ZNF609: variants seen among roughly 807,000 people sequenced by gnomAD.
The protein encoded by ZNF609 is zinc finger protein 609.
A neutral mutation model predicts 109.5 loss-of-function variants in ZNF609; 11 were observed. The observed-to-expected ratio is 0.10, with a 90% confidence interval of 0.06 to 0.17. The LOEUF (loss-of-function observed/expected upper bound fraction) is 0.17. ZNF609 is among the 10% of genes least tolerant of loss of function. ZNF609 has a pLI of 1.00. For synonymous variants in ZNF609, 646 were observed against 662.0 expected, an observed-to-expected ratio of 0.98 and a Z score of 0.37; for missense variants, 1,559 against 1,772.4, an observed-to-expected ratio of 0.88 and a Z score of 2.16.
intron 3 of ZNF609, among the ~76,000 whole-genome samples, chr15:64,636,756 GC>G (rs1896183684): frequency 6.6e-6 from 1 of 152,136 alleles, no homozygotes; most frequent in South Asian, 2.1e-4. Context: ...CTAGTCTTCT[GC>G]CCTAGAGATT....
At chr15:64,554,283 T>C (rs1277905878) in intron 2 of ZNF609, among the ~76,000 whole-genome samples, 2 of 152,232 alleles carry the variant, frequency 1.3e-5, no homozygotes, top group South Asian at 2.1e-4. Flanking sequence ...TTATCAGGAA[T>C]GGATGTTAGA....
intron 2 of ZNF609, among the ~76,000 whole-genome samples, chr15:64,509,129 C>T (rs964015620): frequency 4.6e-5 from 7 of 152,232 alleles, no homozygotes; most frequent in Admixed American, 1.3e-4. Context: ...TAAAATGTAA[C>T]GCTGGGCAGT....
chr15:64,631,555 G>A (rs1011610679), intron 3 of ZNF609: 5 of 537,610 alleles, frequency 9.3e-6, no homozygotes, highest in Non-Finnish European at 1.7e-5. Flanking sequence ...TTTTTTAGAC[G>A]GAGTTTCGCT....
At chr15:64,599,532 C>T (rs1323217441) in intron 2 of ZNF609, among the ~76,000 whole-genome samples, 2 of 152,132 alleles carry the variant, frequency 1.3e-5, no homozygotes, top group African/African-American at 2.4e-5. Context: ...CTTGCAAAGT[C>T]AAATTGCTTA....
chr15:64,631,381 G>T, intron 3 of ZNF609: 2 of 725,460 alleles, frequency 2.8e-6, no homozygotes, highest in South Asian at 1.4e-5. Context: ...TGCCAACAGC[G>T]TGCTGGGGGA....
intron 1 of ZNF609, among the ~76,000 whole-genome samples, chr15:64,481,306 A>C (rs1310753472): frequency 1.3e-5 from 2 of 149,854 alleles, no homozygotes; most frequent in Non-Finnish European, 3.0e-5. Context: ...GAAGAAAGGC[A>C]TCTTTCTTTT....
intron 2 of ZNF609, 47 bp from the exon 3 acceptor site, chr15:64,622,779 TA>T: frequency 6.6e-7 from 1 of 1,510,366 alleles, no homozygotes; most frequent in Non-Finnish European, 9.2e-7. Flanking sequence ...GTATTTCCTC[TA>T]AATGTTCTCC....
intron 2 of ZNF609, among the ~76,000 whole-genome samples, chr15:64,561,163 G>C (rs1894673165): frequency 6.6e-6 from 1 of 152,132 alleles, no homozygotes; most frequent in Admixed American, 6.6e-5. Flanking sequence ...AGCTTATTCA[G>C]TTATCAGCTC....
At chr15:64,524,440 T>TGTA (rs1342959791) in intron 2 of ZNF609, among the ~76,000 whole-genome samples, 1 of 152,156 alleles carries the variant, frequency 6.6e-6, no homozygotes, top group Admixed American at 6.5e-5. Context: ...GGCACATGCC[T>TGTA]GTAGTCCCAG....
intron 2 of ZNF609, among the ~76,000 whole-genome samples, chr15:64,552,744 G>A (rs1251220273): frequency 6.6e-6 from 1 of 152,118 alleles, no homozygotes; most frequent in African/African-American, 2.4e-5. Flanking sequence ...CAAACTGCTG[G>A]GCTTAAGTGA....
chr15:64,600,090 A>G (rs1313583762), intron 2 of ZNF609, among the ~76,000 whole-genome samples: 1 of 152,138 alleles, frequency 6.6e-6, no homozygotes, highest in Non-Finnish European at 1.5e-5. Flanking sequence ...TGGGAGGCCA[A>G]GGTGGGCAGA....
At chr15:64,499,106 T>C (rs1893521677) in intron 1 of ZNF609, among the ~76,000 whole-genome samples, 187 bp from the exon 2 acceptor site, 1 of 152,112 alleles carries the variant, frequency 6.6e-6, no homozygotes, top group Non-Finnish European at 1.5e-5. Context: ...CCTAGGGAGA[T>C]GGAGTGGGAA....
intron 2 of ZNF609, among the ~76,000 whole-genome samples, chr15:64,574,370 A>G (rs1163683397): frequency 6.6e-6 from 1 of 151,852 alleles, no homozygotes; most frequent in Admixed American, 6.6e-5. Context: ...TAGTACATAC[A>G]TGCTTCTGAT....
intron 3 of ZNF609, among the ~76,000 whole-genome samples, chr15:64,651,694 A>T (rs1896418062): frequency 6.6e-6 from 1 of 152,192 alleles, no homozygotes; most frequent in African/African-American, 2.4e-5. Context: ...TGTCAGGAGG[A>T]CTATACAAAG....
intron 2 of ZNF609, chr15:64,500,407 A>C (rs1003019251): frequency 2.8e-6 from 2 of 724,654 alleles, no homozygotes; most frequent in African/African-American, 3.5e-5. Flanking sequence ...GGGGGCAGCT[A>C]CTTTGTAGAA....
At chr15:64,562,770 C>A (rs920961109) in intron 2 of ZNF609, among the ~76,000 whole-genome samples, 1 of 151,518 alleles carries the variant, frequency 6.6e-6, no homozygotes, top group Non-Finnish European at 1.5e-5. Context: ...ATACATTCAT[C>A]CCTAAACAAT....
chr15:64,507,596 C>T (rs994017821), intron 2 of ZNF609, among the ~76,000 whole-genome samples: 4 of 152,198 alleles, frequency 2.6e-5, no homozygotes, highest in African/African-American at 9.7e-5. Flanking sequence ...GGCTCCCAGC[C>T]AGCATGTGTC....
chr15:64,583,005 C>A (rs940230156), intron 2 of ZNF609, among the ~76,000 whole-genome samples: 2 of 150,920 alleles, frequency 1.3e-5, no homozygotes, highest in Non-Finnish European at 3.0e-5. Context: ...CCTGCCTCGG[C>A]CTTCCAAAGT....
rs929257067 is a variant in ZNF609, at chr15:64,616,501, A to T, written c.748-6326A>T. ...CAACATTGAGATCCTTATATATGTT[A>T]TTAAACTGATATCTTTTTTTTTTTT... On this transcript the variant is annotated intron_variant, in intron 2 of 9. Transcript: ENST00000326648. Among the ~76,000 whole-genome samples the T allele has an allele frequency of 6.3e-5, 9 of 141,986 alleles. No homozygotes were observed. In the Admixed American group the frequency reaches 6.5e-4, roughly 10 times the overall value. 93.1% of individuals were successfully genotyped at this position (141,986 alleles called of 152,430 possible).
Sources: gnomAD v4.1 joint callset for allele counts (sites outside exome capture counted in the v4.1 genomes callset) on GRCh38, gnomAD v4.1.1 for gene constraint, MANE v1.5 for transcripts, NCBI Gene and HGNC (gene_info 2026-07-23, HGNC 2026-07-21) for gene names.